LDB2: variants seen among roughly 807,000 people sequenced by gnomAD.
LDB2 encodes LIM domain binding 2, also known as LIM domain-binding protein 2.
Under a neutral mutation model 44.3 loss-of-function variants are expected in LDB2, and 12 were observed. That is an observed-to-expected ratio of 0.27 (90% confidence interval 0.17 to 0.44). The LOEUF is 0.44. Ranked by LOEUF, LDB2 falls within the 20% of genes least tolerant of loss-of-function variation. LDB2 has a pLI of 1.00. For missense variants in LDB2, 344 were observed against 473.5 expected, an observed-to-expected ratio of 0.73 and a Z score of 2.54; for synonymous variants, 164 against 174.8, an observed-to-expected ratio of 0.94 and a Z score of 0.49.
At chr4:16,724,630 G>A (rs1441340645) in intron 2 of LDB2, among the ~76,000 whole-genome samples, 1 of 152,078 alleles carries the variant, frequency 6.6e-6, no homozygotes, top group African/African-American at 2.4e-5. Context: ...CCAGAACCAT[G>A]TTCACAGATT....
At chr4:16,716,079 T>G (rs1757016626) in intron 2 of LDB2, among the ~76,000 whole-genome samples, 1 of 152,234 alleles carries the variant, frequency 6.6e-6, no homozygotes, top group African/African-American at 2.4e-5. Context: ...GTAAGGCTCA[T>G]GCAGATCTTG....
At chr4:16,588,600 G>T in intron 4 of LDB2, 110 bp downstream of exon 4, 1 of 1,123,252 alleles carries the variant, frequency 8.9e-7, no homozygotes, top group South Asian at 1.6e-5. Context: ...TACCTAAAGC[G>T]TGACAACTAC....
intron 1 of LDB2, among the ~76,000 whole-genome samples, chr4:16,831,177 T>TC (rs1194736571): frequency 6.7e-6 from 1 of 149,438 alleles, no homozygotes; most frequent in East Asian, 2.0e-4. Flanking sequence ...CTCTGAGCTT[T>TC]TTTTTTTTTT....
intron 5 of LDB2, among the ~76,000 whole-genome samples, chr4:16,563,340 C>G (rs1271745159): frequency 1.4e-5 from 2 of 146,414 alleles, no homozygotes; most frequent in Admixed American, 1.4e-4. Context: ...ACCTCCATGT[C>G]ATGTTTGAAG....
rs192875109 is a variant in LDB2 at position 16,558,261 on chromosome 4, C to T, written c.615+27661G>A. Among the ~76,000 whole-genome samples the T allele has an allele frequency of 2.7e-3, 409 of 152,152 alleles. 2 individuals are homozygous for T. The highest frequency in any genetic ancestry group is 6.9e-3 in the African/African-American group (287 of 41,506). On this transcript the variant is annotated intron_variant, in intron 5 of 7. Coordinates refer to ENST00000304523, the MANE Select transcript of LDB2 (RefSeq NM_001290.5). ...AAGGCTTCAGACCATCAAACTACTA[C>T]GAGCTACAGGAGGAAATGCAAACCA... is the stretch of plus-strand genomic sequence containing the variant.
chr4:16,613,569 G>C (rs561015994), intron 2 of LDB2, among the ~76,000 whole-genome samples: 19 of 152,230 alleles, frequency 1.2e-4, no homozygotes, highest in African/African-American at 4.6e-4. Context: ...CTTCAGCAAA[G>C]TCTCAGGATA....
intron 1 of LDB2, among the ~76,000 whole-genome samples, chr4:16,881,602 C>CTT (rs34180998): frequency 0.039 from 5,147 of 133,122 alleles, 347 homozygotes; most frequent in African/African-American, 0.13. Context: ...GAATTTGGGC[C>CTT]TTTTTTTTTT....
At chr4:16,675,381 A>G (rs949215431) in intron 2 of LDB2, among the ~76,000 whole-genome samples, 1 of 152,214 alleles carries the variant, frequency 6.6e-6, no homozygotes, top group Non-Finnish European at 1.5e-5. Context: ...TCAAAATACA[A>G]AACAGTAATA....
intron 1 of LDB2, among the ~76,000 whole-genome samples, chr4:16,888,097 C>T (rs896803369): frequency 7.2e-5 from 11 of 152,192 alleles, no homozygotes; most frequent in African/African-American, 2.7e-4. Flanking sequence ...GGTGGTGCTT[C>T]AGGCTTCTGA....
chr4:16,749,954 C>T (rs1011001167), intron 2 of LDB2, among the ~76,000 whole-genome samples: 1 of 152,154 alleles, frequency 6.6e-6, no homozygotes, highest in Admixed American at 6.5e-5. Context: ...GAGCAGACTT[C>T]ATCAACACCC....
chr4:16,848,986 C>A (rs1787645980), intron 1 of LDB2, among the ~76,000 whole-genome samples: 1 of 152,226 alleles, frequency 6.6e-6, no homozygotes, highest in Non-Finnish European at 1.5e-5. Flanking sequence ...CACTCCCTTA[C>A]TGGTAGTTCT....
At chr4:16,674,230 T>A in intron 2 of LDB2, 1 of 1,288,706 alleles carries the variant, frequency 7.8e-7, no homozygotes. Flanking sequence ...AATTACATGA[T>A]AGGAAATTGT....
At chr4:16,839,525 A>G (rs1207983552) in intron 1 of LDB2, among the ~76,000 whole-genome samples, 6 of 152,202 alleles carry the variant, frequency 3.9e-5, no homozygotes, top group Admixed American at 1.3e-4. Context: ...TGGAGGATAC[A>G]AACCCAGACT....
intron 2 of LDB2, among the ~76,000 whole-genome samples, chr4:16,637,753 T>C (rs1274133381): frequency 6.6e-6 from 1 of 152,210 alleles, no homozygotes; most frequent in East Asian, 1.9e-4. Context: ...AACCATTCTT[T>C]AATATCTTAA....
intron 5 of LDB2, among the ~76,000 whole-genome samples, chr4:16,536,841 T>C (rs949675023): frequency 2.0e-5 from 3 of 152,218 alleles, no homozygotes; most frequent in Non-Finnish European, 4.4e-5. Context: ...TTCTCTATTT[T>C]TGACTGTGTG....
chr4:16,534,521 G>A (rs914880202), intron 5 of LDB2, among the ~76,000 whole-genome samples: 1 of 152,080 alleles, frequency 6.6e-6, no homozygotes, highest in African/African-American at 2.4e-5. Flanking sequence ...TCTGAGTAAT[G>A]AAAAAATGTA....
chr4:16,740,571 G>A (rs1763046127), intron 2 of LDB2, among the ~76,000 whole-genome samples: 1 of 152,180 alleles, frequency 6.6e-6, no homozygotes, highest in African/African-American at 2.4e-5. Context: ...TTTCTGCATC[G>A]GTTTGATTTT....
At chr4:16,530,421 TTC>T (rs140251150) in intron 5 of LDB2, among the ~76,000 whole-genome samples, 9,921 of 152,322 alleles carry the variant, frequency 0.065, 451 homozygotes, top group Non-Finnish European at 0.093. Flanking sequence ...ATTCAGGACT[TTC>T]TGTTTTCCAA....
intron 2 of LDB2, among the ~76,000 whole-genome samples, chr4:16,740,645 T>G (rs1193257866): frequency 6.6e-6 from 1 of 152,246 alleles, no homozygotes; most frequent in Non-Finnish European, 1.5e-5. Flanking sequence ...TAACCACTTA[T>G]GCTTCTCTCT....
Sources: gnomAD v4.1 joint callset for allele counts (sites outside exome capture counted in the v4.1 genomes callset) on GRCh38, gnomAD v4.1.1 for gene constraint, MANE v1.5 for transcripts, NCBI Gene and HGNC (gene_info 2026-07-23, HGNC 2026-07-21) for gene names.